Variants in KAT2B observed in about 807,000 individuals in gnomAD.
The protein encoded by KAT2B is lysine acetyltransferase 2B, also known as histone acetyltransferase KAT2B.
Under a neutral mutation model 105.9 loss-of-function variants are expected in KAT2B, and 36 were observed. The ratio of observed to expected loss-of-function variants is 0.34; its 90% CI spans 0.26 to 0.45. KAT2B has a LOEUF of 0.45. Ranked by LOEUF, KAT2B falls within the 20% of genes least tolerant of loss-of-function variation. The pLI, the probability that KAT2B is intolerant of heterozygous loss-of-function variation, is 1.00. For missense variants in KAT2B, 820 were observed against 1,021.6 expected (o/e 0.80, Z 2.69); for synonymous variants, 397 against 377.9 (o/e 1.05, Z -0.59).
intron 5 of KAT2B, among the ~76,000 whole-genome samples, chr3:20,104,914 T>C (rs1316243274): frequency 6.7e-6 from 1 of 148,638 alleles, no homozygotes; most frequent in Non-Finnish European, 1.5e-5. Context: ...TGAGATGGAG[T>C]CTCACTCTGT....
In KAT2B at chr3:20,140,443, G is replaced by A. The variant is rs562077575; in HGVS notation, c.2004+79G>A. ...TGGGTTGCATTTCCTTGGGTGCTGCGTGTATGTGTTTACTGGATAGCAAAC... is the reference window on the plus strand; with the variant it reads ...TGGGTTGCATTTCCTTGGGTGCTGCATGTATGTGTTTACTGGATAGCAAAC... On this transcript the variant is annotated intron_variant, in intron 13 of 17. Coordinates refer to ENST00000263754, the MANE Select transcript of KAT2B (RefSeq NM_003884.5). The A allele has an allele frequency of 1.6e-5, 23 of 1,440,292 alleles. No homozygotes were observed. In the African/African-American group the frequency reaches 2.0e-4, roughly 12 times the overall value. The allele number at this position is 1,440,292 out of a possible 1,614,324, so 89.2% of individuals were successfully genotyped here. A position where few individuals can be genotyped will look rare whatever the true frequency, so the allele number is the denominator to read the frequency against.
At chr3:20,120,447 C>G (rs1699288376) in intron 8 of KAT2B, among the ~76,000 whole-genome samples, 1 of 152,066 alleles carries the variant, frequency 6.6e-6, no homozygotes, top group Admixed American at 6.6e-5. Flanking sequence ...AGGCTGGTCT[C>G]AAACTCCTGA....
intron 5 of KAT2B, among the ~76,000 whole-genome samples, chr3:20,108,569 A>G (rs1387999771): frequency 1.3e-5 from 2 of 152,250 alleles, no homozygotes; most frequent in African/African-American, 2.4e-5. Context: ...ATTTAGATAT[A>G]CAAATACTTA....
At chr3:20,086,690 C>CT (rs1698622207) in intron 2 of KAT2B, among the ~76,000 whole-genome samples, 1 of 152,186 alleles carries the variant, frequency 6.6e-6, no homozygotes, top group South Asian at 2.1e-4. Context: ...CTTTCAATTA[C>CT]TTTTCTGTAT....
At chr3:20,135,169 C>T (rs900622218) in intron 11 of KAT2B, among the ~76,000 whole-genome samples, 2 of 152,084 alleles carry the variant, frequency 1.3e-5, no homozygotes, top group African/African-American at 4.8e-5. Context: ...TCTCAGTGTT[C>T]AGTATTGTGA....
At chr3:20,053,619 G>C (rs1697953936) in intron 1 of KAT2B, among the ~76,000 whole-genome samples, 1 of 152,074 alleles carries the variant, frequency 6.6e-6, no homozygotes, top group African/African-American at 2.4e-5. Flanking sequence ...GTGAGACAAA[G>C]TTTTAGCATA....
intron 5 of KAT2B, among the ~76,000 whole-genome samples, chr3:20,111,388 A>G (rs1699118228): frequency 6.6e-6 from 1 of 152,218 alleles, no homozygotes; most frequent in Admixed American, 6.5e-5. Flanking sequence ...GAATAAGGTG[A>G]TTTTAACAGA....
intron 7 of KAT2B, among the ~76,000 whole-genome samples, chr3:20,117,233 G>A (rs978648642): frequency 6.6e-6 from 1 of 152,144 alleles, no homozygotes; most frequent in Admixed American, 6.5e-5. Flanking sequence ...TCGTTTTTCT[G>A]TGGCTAAGGT....
rs1699904536 is a variant in KAT2B at position 20,153,681 on chromosome 3, G to A, written c.*1156G>A. On this transcript the variant is annotated 3_prime_UTR_variant, in exon 18 of 18. Transcript: ENST00000263754. ...TTTCCTGATTACACTACATAGAAAA[G>A]TGAGACATCTGCCATTCCCAACTCT... 6.6e-6 allele frequency: 1 copy of A among 152,660 alleles called. No individual in the cohort carries two copies. The highest frequency in any genetic ancestry group is 1.9e-4 in the East Asian group (1 of 5,176). 9.5% of individuals were successfully genotyped at this position (152,660 alleles called of 1,614,324 possible).
chr3:20,149,586 G>C (rs569762211), intron 17 of KAT2B, among the ~76,000 whole-genome samples: 42 of 149,882 alleles, frequency 2.8e-4, no homozygotes, highest in African/African-American at 8.9e-4. Flanking sequence ...TGAAAACTGA[G>C]TTATTTACAG....
At chr3:20,117,103 C>T (rs1699219980) in intron 7 of KAT2B, among the ~76,000 whole-genome samples, 2 of 152,178 alleles carry the variant, frequency 1.3e-5, no homozygotes, top group Admixed American at 1.3e-4. Context: ...TGAAAACTCC[C>T]CTTGACCCTT....
chr3:20,116,914 A>C (rs1699216988), intron 7 of KAT2B, among the ~76,000 whole-genome samples: 1 of 152,208 alleles, frequency 6.6e-6, no homozygotes, highest in Non-Finnish European at 1.5e-5. Flanking sequence ...GTATTAAGAG[A>C]GCCAGAACTC....
chr3:20,094,590 C>T (rs1458913281), intron 2 of KAT2B, among the ~76,000 whole-genome samples: 1 of 152,098 alleles, frequency 6.6e-6, no homozygotes, highest in African/African-American at 2.4e-5. Flanking sequence ...AGGAGAGAGT[C>T]AATGGACAGG....
intron 12 of KAT2B, among the ~76,000 whole-genome samples, chr3:20,138,745 G>T (rs186909726): frequency 1.1e-3 from 161 of 152,036 alleles, no homozygotes; most frequent in African/African-American, 3.5e-3. Flanking sequence ...ATGTTTAGTT[G>T]TACATTGATT....
Position 20,145,284 on chromosome 3 carries a change from G to A in KAT2B, c.2005-1032G>A, listed in dbSNP as rs535684955. Among the ~76,000 whole-genome samples, 15 of 152,166 alleles carry A rather than the reference G, an allele frequency of 9.9e-5. No individual in the cohort carries two copies. In the South Asian group the frequency reaches 1.2e-3, roughly 13 times the overall value. ...TAGTAGAAAAATTTAAATTACATGC[G>A]TGGCTTGTATTATGTCTCTATTGGA... On this transcript the variant is annotated intron_variant, in intron 13 of 17. Coordinates refer to ENST00000263754, the MANE Select transcript of KAT2B (RefSeq NM_003884.5).
chr3:20,062,136 T>A (rs1325481680), intron 1 of KAT2B, among the ~76,000 whole-genome samples: 7 of 85,514 alleles, frequency 8.2e-5, no homozygotes, highest in Admixed American at 1.9e-4. Context: ...ATATATAAAA[T>A]ATATAATATA....
At chr3:20,118,467 A>T (rs1699247494) in intron 7 of KAT2B, among the ~76,000 whole-genome samples, 2 of 149,930 alleles carry the variant, frequency 1.3e-5, no homozygotes, top group Admixed American at 1.3e-4. Flanking sequence ...CTGTAATCCC[A>T]GCACTATGGG....
intron 13 of KAT2B, among the ~76,000 whole-genome samples, chr3:20,145,137 T>A (rs774169398): frequency 6.6e-6 from 1 of 152,244 alleles, no homozygotes; most frequent in Non-Finnish European, 1.5e-5. Flanking sequence ...TAAAGCAATG[T>A]AAAATATCTT....
intron 5 of KAT2B, among the ~76,000 whole-genome samples, chr3:20,108,028 T>C (rs1699054590): frequency 6.6e-6 from 1 of 152,024 alleles, no homozygotes; most frequent in Non-Finnish European, 1.5e-5. Flanking sequence ...CAGGCTGGTC[T>C]TGAATTCTTG....
Sources: gnomAD v4.1 joint callset for allele counts (sites outside exome capture counted in the v4.1 genomes callset) on GRCh38, gnomAD v4.1.1 for gene constraint, MANE v1.5 for transcripts, NCBI Gene and HGNC (gene_info 2026-07-23, HGNC 2026-07-21) for gene names.